The following PARM1 variants were observed in gnomAD, a reference collection of about 807,000 sequenced individuals.
The protein encoded by PARM1 is prostate androgen-regulated mucin-like protein 1, also known as WSC4, cell wall integrity and stress response component 4 homolog.
In PARM1, 14 loss-of-function variants were observed where a neutral mutation model predicts 24.6. That is an observed-to-expected ratio of 0.57 (90% CI 0.38 to 0.89). The LOEUF (loss-of-function observed/expected upper bound fraction) is 0.89. Among genes scored for constraint, PARM1 ranks in the 40% least tolerant of loss-of-function variants. PARM1 has a pLI of 0.00. For synonymous variants in PARM1, 179 were observed against 156.6 expected, an observed-to-expected ratio of 1.14 and a Z score of -1.07; for missense variants, 362 against 380.4, an observed-to-expected ratio of 0.95 and a Z score of 0.40.
chr4:74,933,408 G>C, intron 1 of PARM1, 38 bp downstream of exon 1: 1 of 1,595,602 alleles, frequency 6.3e-7, no homozygotes, highest in South Asian at 1.1e-5. Context: ...CAGGTCGCGG[G>C]GTGGGCCCCA....
At chr4:75,022,982 G>T (rs1723116807) in intron 2 of PARM1, among the ~76,000 whole-genome samples, 1 of 152,156 alleles carries the variant, frequency 6.6e-6, no homozygotes, top group African/African-American at 2.4e-5. Flanking sequence ...TTGGCCAAAA[G>T]AGATGATATT....
intron 2 of PARM1, among the ~76,000 whole-genome samples, chr4:75,020,793 G>A (rs1259278797): frequency 2.6e-5 from 4 of 152,052 alleles, no homozygotes; most frequent in East Asian, 1.9e-4. Context: ...TCACTTAGAC[G>A]CTACCTGGGA....
intron 1 of PARM1, among the ~76,000 whole-genome samples, chr4:74,994,799 TATAAATAAATAAATAA>T (rs3062355): frequency 8.3e-5 from 12 of 145,066 alleles, no homozygotes; most frequent in South Asian, 6.7e-4. Context: ...TCTCAAAAAA[TATAAATAAATAAATAA>T]ATAAATAAAT....
intron 1 of PARM1, chr4:74,969,508 T>G (rs1194974782): frequency 6.6e-6 from 1 of 152,140 alleles, no homozygotes; most frequent in African/African-American, 2.4e-5. Context: ...TCCTCTGTAG[T>G]CAGAGGAAGG....
At chr4:74,986,032 G>A (rs1312058129) in intron 1 of PARM1, among the ~76,000 whole-genome samples, 2 of 152,180 alleles carry the variant, frequency 1.3e-5, no homozygotes, top group Admixed American at 6.5e-5. Context: ...CTCCTGAAGT[G>A]CTGGGATTAC....
In PARM1 at chr4:75,012,569, A is replaced by T; in HGVS notation, c.188A>T (p.Asn63Ile). Residue 63 changes from asparagine (N) to isoleucine (I), a missense_variant, in exon 2 of 4, where the codon AAC becomes ATC. Coordinates refer to ENST00000307428, the MANE Select transcript of PARM1 (RefSeq NM_015393.4). ...TCCCCATCCAACGGCACTCACAACA[A>T]CTCGGTGCTCCCAGTTACAGCATCA... is the stretch of plus-strand genomic sequence containing the variant. ...TASPSNGTHNNSVLPVTASAP... is the reference protein window; with the variant it reads ...TASPSNGTHNISVLPVTASAP... 1 of 1,613,778 alleles carries T rather than the reference A, an allele frequency of 6.2e-7. No individual in the cohort carries two copies. Among genetic ancestry groups the T allele is most frequent in the Non-Finnish European group, 8.5e-7 (1 of 1,179,864 alleles).
At chr4:74,985,969 A>G (rs1560783962) in intron 1 of PARM1, among the ~76,000 whole-genome samples, 3 of 152,080 alleles carry the variant, frequency 2.0e-5, no homozygotes, top group Admixed American at 6.5e-5. Context: ...AGGTTTCACT[A>G]TGTTGGCCAG....
At chr4:75,040,450 A>G (rs1723460300) in intron 3 of PARM1, among the ~76,000 whole-genome samples, 2 of 152,228 alleles carry the variant, frequency 1.3e-5, no homozygotes, top group South Asian at 4.1e-4. Context: ...GGAAAAAAAA[A>G]GGATTTTAAA....
At chr4:74,993,032 C>T (rs182849701) in intron 1 of PARM1, among the ~76,000 whole-genome samples, 1 of 152,274 alleles carries the variant, frequency 6.6e-6, no homozygotes, top group East Asian at 1.9e-4. Flanking sequence ...TGATGTAATC[C>T]TCTTCCCTTG....
At chr4:74,973,098 A>C (rs1722069621) in intron 1 of PARM1, among the ~76,000 whole-genome samples, 1 of 152,166 alleles carries the variant, frequency 6.6e-6, no homozygotes, top group African/African-American at 2.4e-5. Flanking sequence ...ACCCCATCAC[A>C]TGGGAGGTAT....
intron 2 of PARM1, among the ~76,000 whole-genome samples, chr4:75,019,084 G>A (rs1723040687): frequency 1.3e-5 from 2 of 152,204 alleles, no homozygotes; most frequent in South Asian, 4.1e-4. Context: ...TGCAGAAGAA[G>A]AGTTTTGATT....
At chr4:74,954,502 C>G (rs186859282) in intron 1 of PARM1, among the ~76,000 whole-genome samples, 1 of 152,180 alleles carries the variant, frequency 6.6e-6, no homozygotes, top group Admixed American at 6.5e-5. Context: ...CTCATAATGC[C>G]CAACAAAAAA....
chr4:75,040,867 G>A (rs1417137687), intron 3 of PARM1, among the ~76,000 whole-genome samples: 2 of 151,908 alleles, frequency 1.3e-5, no homozygotes, highest in African/African-American at 2.4e-5. Context: ...CTGTCTACAC[G>A]GTATCCCTCG....
At chr4:75,003,811 C>T (rs1722724316) in intron 1 of PARM1, among the ~76,000 whole-genome samples, 1 of 152,180 alleles carries the variant, frequency 6.6e-6, no homozygotes, top group South Asian at 2.1e-4. Context: ...AGGTCCCTAA[C>T]AGTGGCTCAA....
At chr4:74,944,885 G>A (rs1721381542) in intron 1 of PARM1, among the ~76,000 whole-genome samples, 1 of 152,094 alleles carries the variant, frequency 6.6e-6, no homozygotes, top group African/African-American at 2.4e-5. Flanking sequence ...AAATAGATAA[G>A]AATGTATCTG....
At chr4:74,936,926 C>G (rs1369527858) in intron 1 of PARM1, among the ~76,000 whole-genome samples, 1 of 152,166 alleles carries the variant, frequency 6.6e-6, no homozygotes, top group East Asian at 1.9e-4. Context: ...TGGGTCTGCT[C>G]TGTTTGCCCC....
At chr4:75,003,596 A>T (rs953177768) in intron 1 of PARM1, among the ~76,000 whole-genome samples, 1 of 152,212 alleles carries the variant, frequency 6.6e-6, no homozygotes, top group Non-Finnish European at 1.5e-5. Flanking sequence ...ACTTCAAGCA[A>T]GTATCTTCTT....
At chr4:74,998,218 G>A (rs761986623) in intron 1 of PARM1, among the ~76,000 whole-genome samples, 13 of 152,172 alleles carry the variant, frequency 8.5e-5, no homozygotes, top group Non-Finnish European at 1.9e-4. Flanking sequence ...TTGGAGGTTG[G>A]TTAACAAATG....
intron 1 of PARM1, among the ~76,000 whole-genome samples, chr4:74,937,641 G>A (rs1172891482): frequency 1.3e-5 from 2 of 152,154 alleles, no homozygotes; most frequent in African/African-American, 2.4e-5. Context: ...TGGAGACATA[G>A]CAAATGCTCA....
Sources: allele counts gnomAD v4.1 joint callset (sites outside exome capture counted in the v4.1 genomes callset), GRCh38; gene constraint gnomAD v4.1.1; transcripts MANE v1.5; gene names NCBI Gene and HGNC (gene_info 2026-07-23, HGNC 2026-07-21).